The following NALCN variants were observed in gnomAD, a reference collection of about 807,000 sequenced individuals.
The protein encoded by NALCN is sodium leak channel, non-selective.
NALCN carries 111 observed loss-of-function variants against 225.3 expected under a neutral mutation model. The ratio of observed to expected loss-of-function variants is 0.49; its 90% confidence interval spans 0.42 to 0.58. The LOEUF is 0.58. Ranked by LOEUF, NALCN falls within the 20% of genes least tolerant of loss-of-function variation. The probability of loss-of-function intolerance (pLI) is 0.00; values close to 1 mark genes in which losing one functional copy is unlikely to be tolerated. For missense variants in NALCN, 1,378 were observed against 2,202.4 expected (o/e 0.63, Z 7.49); for synonymous variants, 764 against 769.0 (o/e 0.99, Z 0.11).
intron 10 of NALCN, among the ~76,000 whole-genome samples, chr13:101,277,000 A>G (rs966202839): frequency 6.6e-6 from 1 of 152,108 alleles, no homozygotes; most frequent in Admixed American, 6.6e-5. Context: ...ATACACACAT[A>G]TGCACTTATA....
At chr13:101,372,683 C>T (rs2046573871) in intron 6 of NALCN, among the ~76,000 whole-genome samples, 2 of 152,108 alleles carry the variant, frequency 1.3e-5, no homozygotes, top group East Asian at 3.9e-4. Context: ...GCAGCTAAAA[C>T]AGTGCTTAGA....
At chr13:101,181,569 C>CAA (rs757976308) in intron 14 of NALCN, among the ~76,000 whole-genome samples, 47 of 111,206 alleles carry the variant, frequency 4.2e-4, no homozygotes, top group African/African-American at 8.6e-4. Context: ...CCCTGTCTCT[C>CAA]AAAAAAAAAA....
intron 26 of NALCN, 111 bp downstream of exon 26, chr13:101,103,061 A>G: frequency 7.5e-7 from 1 of 1,336,022 alleles, no homozygotes; most frequent in Non-Finnish European, 1.0e-6. Flanking sequence ...ACCCTCTGGC[A>G]ATAACCAAAA....
intron 30 of NALCN, 58 bp from the exon 31 acceptor site, chr13:101,083,862 A>G (rs1464236481): frequency 4.6e-6 from 7 of 1,526,130 alleles, no homozygotes; most frequent in Non-Finnish European, 5.4e-6. Flanking sequence ...CACCAAGAAC[A>G]TGGCAGATGG....
At chr13:101,365,821 G>A (rs16958870) in intron 6 of NALCN, among the ~76,000 whole-genome samples, 9,413 of 152,104 alleles carry the variant, frequency 0.062, 970 homozygotes, top group African/African-American at 0.21. Flanking sequence ...TCCAGCCATC[G>A]CGAATATGTT....
chr13:101,172,138 C>T (rs186581187), intron 15 of NALCN, among the ~76,000 whole-genome samples: 25 of 152,272 alleles, frequency 1.6e-4, no homozygotes, highest in East Asian at 3.9e-4. Context: ...CTGATGCACA[C>T]GGAGGTTGCA....
chr13:101,375,773 T>C lies in NALCN; in HGVS notation c.644+927A>G, dbSNP rs190987446. On this transcript the variant is annotated intron_variant, in intron 6 of 43. Coordinates refer to ENST00000251127, the MANE Select transcript of NALCN (RefSeq NM_052867.4). ...ATAAGGTATAAAATCAATTGTATTA[T>C]CCCCAATCCCTGCTGCCCTGAAATC... Among the ~76,000 whole-genome samples, 840 of 152,234 alleles carry C rather than the reference T, an allele frequency of 5.5e-3. 13 individuals are homozygous for C. The highest frequency in any genetic ancestry group is 0.019 in the African/African-American group (780 of 41,546).
At chr13:101,415,716 G>A (rs1203170329) in intron 1 of NALCN, among the ~76,000 whole-genome samples, 3 of 152,218 alleles carry the variant, frequency 2.0e-5, no homozygotes, top group African/African-American at 4.8e-5. Context: ...AATATCATAA[G>A]GGACATTTAG....
intron 34 of NALCN, among the ~76,000 whole-genome samples, chr13:101,076,241 A>G (rs780267200): frequency 6.6e-6 from 1 of 152,200 alleles, no homozygotes; most frequent in Non-Finnish European, 1.5e-5. Flanking sequence ...GGGTGTGAAA[A>G]ACACAGGATA....
intron 6 of NALCN, among the ~76,000 whole-genome samples, chr13:101,366,022 CTTTTCTATT>C (rs2046368836): frequency 6.6e-6 from 1 of 152,124 alleles, no homozygotes; most frequent in South Asian, 2.1e-4. Flanking sequence ...AAGTCTTCAT[CTTTTCTATT>C]TAACCTGCCA....
intron 37 of NALCN, among the ~76,000 whole-genome samples, chr13:101,072,882 T>C (rs1049571362): frequency 7.2e-5 from 11 of 152,222 alleles, no homozygotes; most frequent in Admixed American, 3.9e-4. Context: ...ATATGGCTAG[T>C]GGCTCCCGAA....
chr13:101,336,547 T>C (rs750822011), intron 7 of NALCN, among the ~76,000 whole-genome samples: 1 of 152,194 alleles, frequency 6.6e-6, no homozygotes, highest in Non-Finnish European at 1.5e-5. Context: ...GTCATCATCT[T>C]AAATTTGTTC....
chr13:101,241,673 C>A (rs2041764043), intron 11 of NALCN, among the ~76,000 whole-genome samples: 1 of 152,014 alleles, frequency 6.6e-6, no homozygotes, highest in Non-Finnish European at 1.5e-5. Context: ...GAACTCCTGA[C>A]CTCAAGTGAT....
Position 101,367,869 on chromosome 13 carries a change from T to C in NALCN, c.644+8831A>G, listed in dbSNP as rs1339257129. 2.6e-5 allele frequency among the ~76,000 whole-genome samples: 4 copies of C among 152,124 alleles called. No individual in the cohort carries two copies. In the South Asian group the frequency reaches 8.3e-4, roughly 31 times the overall value. On this transcript the variant is annotated intron_variant, in intron 6 of 43. Coordinates refer to ENST00000251127, the MANE Select transcript of NALCN (RefSeq NM_052867.4). ...ATAAAATGCCAACTTGTAAGCATGG[T>C]GGTGTCTTGATGTGGCGTCTCCTAT...
intron 1 of NALCN, among the ~76,000 whole-genome samples, chr13:101,404,139 G>A (rs902318174): frequency 4.6e-5 from 7 of 152,168 alleles, no homozygotes; most frequent in African/African-American, 1.7e-4. Context: ...AGAGCCTCTA[G>A]TGTGGCGCAC....
intron 13 of NALCN, among the ~76,000 whole-genome samples, chr13:101,219,671 T>C (rs1038312431): frequency 1.3e-5 from 2 of 152,220 alleles, no homozygotes; most frequent in Non-Finnish European, 2.9e-5. Flanking sequence ...AAGTTTGTGA[T>C]GAACTATTCC....
At chr13:101,353,526 G>C (rs149068422) in intron 6 of NALCN, among the ~76,000 whole-genome samples, 1 of 152,312 alleles carries the variant, frequency 6.6e-6, no homozygotes, top group East Asian at 1.9e-4. Flanking sequence ...TATTTGCAGA[G>C]ATAAATTATT....
At chr13:101,215,431 TCA>T (rs2140092086) in intron 13 of NALCN, among the ~76,000 whole-genome samples, 2 of 152,248 alleles carry the variant, frequency 1.3e-5, no homozygotes, top group Non-Finnish European at 2.9e-5. Flanking sequence ...ATTTGTTACT[TCA>T]CAGTTTTTGA....
At chr13:101,259,969 C>G (rs565342236) in intron 10 of NALCN, among the ~76,000 whole-genome samples, 2 of 134,522 alleles carry the variant, frequency 1.5e-5, no homozygotes, top group African/African-American at 5.3e-5. Flanking sequence ...TAGGTCTTAT[C>G]TATTCTTTCT....
Sources: allele counts gnomAD v4.1 joint callset (sites outside exome capture counted in the v4.1 genomes callset), GRCh38; gene constraint gnomAD v4.1.1; transcripts MANE v1.5; gene names NCBI Gene and HGNC (gene_info 2026-07-23, HGNC 2026-07-21).